Variants in SAMTOR observed in about 807,000 individuals in gnomAD.
SAMTOR encodes the protein S-adenosylmethionine sensor upstream of mTORC1, also known as UPF0532 protein C7orf60.
chr7:112,883,863 G>A, the SAMTOR span, among the ~76,000 whole-genome samples: 2 of 152,148 alleles, frequency 1.3e-5, no homozygotes, highest in African/African-American at 2.4e-5. Context: ...CATTAGAAAT[G>A]CACACTAATA....
chr7:112,867,232 T>C, the SAMTOR span, among the ~76,000 whole-genome samples: 93,021 of 152,138 alleles, frequency 0.61, 31,615 homozygotes, highest in East Asian at 0.9. Flanking sequence ...TAAAATTCAT[T>C]CAGCTTGCTT....
the SAMTOR span, among the ~76,000 whole-genome samples, chr7:112,936,188 A>ATTC: frequency 6.6e-6 from 1 of 151,044 alleles, no homozygotes; most frequent in Non-Finnish European, 1.5e-5. Flanking sequence ...CTATCTTATG[A>ATTC]ATATCTTATG....
the SAMTOR span, among the ~76,000 whole-genome samples, chr7:112,824,053 TGA>T: frequency 1.6e-5 from 2 of 125,080 alleles, no homozygotes; most frequent in Non-Finnish European, 3.2e-5. Context: ...TTCTGGGTTT[TGA>T]GAGTTCTTTA....
At chr7:112,910,273 T>C in the SAMTOR span, among the ~76,000 whole-genome samples, 18 of 152,330 alleles carry the variant, frequency 1.2e-4, no homozygotes, top group South Asian at 8.3e-4. Context: ...TTGACTATTA[T>C]ACCAATTGCT....
the SAMTOR span, among the ~76,000 whole-genome samples, chr7:112,891,506 T>C: frequency 1.3e-5 from 2 of 152,234 alleles, no homozygotes; most frequent in African/African-American, 4.8e-5. Context: ...TATTCAAGTT[T>C]AGCATTTTTA....
chr7:112,902,439 C>CAAAAA, the SAMTOR span, among the ~76,000 whole-genome samples: 3 of 81,460 alleles, frequency 3.7e-5, no homozygotes, highest in African/African-American at 9.9e-5. Flanking sequence ...CAAAAAAAAA[C>CAAAAA]AAAAAAAAAC....
the SAMTOR span, chr7:112,915,488 CAT>C: frequency 6.8e-7 from 1 of 1,472,692 alleles, no homozygotes; most frequent in Non-Finnish European, 9.1e-7. Context: ...TACACTGAAA[CAT>C]GTCAGACTCT....
At chr7:112,919,051 T>C in the SAMTOR span, among the ~76,000 whole-genome samples, 9 of 152,134 alleles carry the variant, frequency 5.9e-5, no homozygotes, top group Admixed American at 3.9e-4. Flanking sequence ...AGACAGAAAG[T>C]TAACAAAGGT....
chr7:112,864,005 C>A, the SAMTOR span, among the ~76,000 whole-genome samples: 1 of 152,176 alleles, frequency 6.6e-6, no homozygotes, highest in African/African-American at 2.4e-5. Context: ...AACCTAAATG[C>A]CCGTCAACAG....
the SAMTOR span, among the ~76,000 whole-genome samples, chr7:112,917,715 AT>A: frequency 1.3e-3 from 196 of 152,258 alleles, 2 homozygotes; most frequent in Middle Eastern, 6.8e-3. Context: ...ATTTAGACAA[AT>A]GTATAACTAG....
the SAMTOR span, among the ~76,000 whole-genome samples, chr7:112,831,515 G>T: frequency 6.6e-6 from 1 of 152,086 alleles, no homozygotes; most frequent in African/African-American, 2.4e-5. Flanking sequence ...AGTTAGCTGG[G>T]CGTGGTGGTA....
chr7:112,922,696 G>T, the SAMTOR span, among the ~76,000 whole-genome samples: 1 of 148,184 alleles, frequency 6.7e-6, no homozygotes, highest in Admixed American at 6.7e-5. Context: ...CCCCGTCTGA[G>T]AAGTGAGGAG....
At chr7:112,892,057 C>T in the SAMTOR span, among the ~76,000 whole-genome samples, 2 of 152,160 alleles carry the variant, frequency 1.3e-5, no homozygotes, top group Non-Finnish European at 2.9e-5. Flanking sequence ...CCAACCACTG[C>T]TTTATCAATT....
the SAMTOR span, chr7:112,819,246 C>T: frequency 6.6e-6 from 1 of 152,576 alleles, no homozygotes; most frequent in African/African-American, 2.4e-5. Flanking sequence ...CTACCTCCCA[C>T]CACTTGGCAA....
At chr7:112,856,287 T>C in the SAMTOR span, among the ~76,000 whole-genome samples, 1 of 151,926 alleles carries the variant, frequency 6.6e-6, no homozygotes, top group South Asian at 2.1e-4. Context: ...TGTCACTCTG[T>C]TGCCCAGGCT....
the SAMTOR span, among the ~76,000 whole-genome samples, chr7:112,896,205 G>T: frequency 2.4e-3 from 372 of 152,118 alleles, 2 homozygotes; most frequent in African/African-American, 8.8e-3. Context: ...ACGCGCGCAC[G>T]CGCGTGTGTG....
At chr7:112,864,181 G>A in the SAMTOR span, among the ~76,000 whole-genome samples, 2 of 152,102 alleles carry the variant, frequency 1.3e-5, no homozygotes, top group Admixed American at 6.5e-5. Context: ...ACTTATAGGT[G>A]GGAGCTAAAT....
At chr7:112,925,552 G>C in the SAMTOR span, among the ~76,000 whole-genome samples, 1 of 152,170 alleles carries the variant, frequency 6.6e-6, no homozygotes, top group African/African-American at 2.4e-5. Context: ...CCAGCACTTT[G>C]GGAGGCCAAG....
chr7:112,859,066 GA>G, the SAMTOR span, among the ~76,000 whole-genome samples: 1 of 152,140 alleles, frequency 6.6e-6, no homozygotes, highest in East Asian at 1.9e-4. Context: ...GGCCTTAATA[GA>G]AAAAGACTGA....
Sources: gnomAD v4.1 joint callset for allele counts (sites outside exome capture counted in the v4.1 genomes callset) on GRCh38, gnomAD v4.1.1 for gene constraint, MANE v1.5 for transcripts, NCBI Gene and HGNC (gene_info 2026-07-23, HGNC 2026-07-21) for gene names.